Variants in ZNF709 observed in about 807,000 individuals in gnomAD.
ZNF709 encodes zinc finger protein 709.
ZNF709 carries 15 observed loss-of-function variants against 10.6 expected under a neutral mutation model. That is an observed-to-expected ratio of 1.41 (90% CI 0.95 to 2.18). The LOEUF (loss-of-function observed/expected upper bound fraction) is 2.18. Ranked by LOEUF, ZNF709 falls within the 30% of genes most tolerant of loss-of-function variation. The pLI is 0.00. For synonymous variants in ZNF709, 194 were observed against 238.8 expected (o/e 0.81, Z 1.73); for missense variants, 589 against 774.0 (o/e 0.76, Z 2.84).
At chr19:12,475,643 G>A (rs1046625405) in intron 1 of ZNF709, among the ~76,000 whole-genome samples, 4 of 152,076 alleles carry the variant, frequency 2.6e-5, no homozygotes, top group African/African-American at 9.7e-5. Context: ...GGTAAGATGA[G>A]GAAATGGGCA....
At chr19:12,484,073 T>A (rs1249031707) in intron 1 of ZNF709, among the ~76,000 whole-genome samples, 1 of 152,178 alleles carries the variant, frequency 6.6e-6, no homozygotes. Flanking sequence ...ACAAAAAGGA[T>A]AATTAAAATA....
In ZNF709 at chr19:12,464,016, T is replaced by C; in HGVS notation, c.1906A>G (p.Arg636Gly). ...TAGGGTTACTCTCCACTATGAACTC[T>C]TTCATGTATTCGAAAGGAACGGGAA... is the stretch of plus-strand genomic sequence containing the variant. ...KCSRSFRIHE[R>G]VHSGE Residue 636 changes from arginine to glycine, a missense_variant, in exon 4 of 4, where the codon AGA becomes GGA. This residue lies in a region of ZNF709 where 171 missense variants were observed against 277.7 expected (regional missense o/e 0.62). Coordinates refer to ENST00000397732, the MANE Select transcript of ZNF709 (RefSeq NM_152601.4). 1 of 1,499,136 alleles carries C rather than the reference T, an allele frequency of 6.7e-7. No homozygotes were observed. The highest frequency in any genetic ancestry group is 8.9e-7 in the Non-Finnish European group (1 of 1,126,844). The allele number at this position is 1,499,136 out of a possible 1,614,324, so 92.9% of individuals were successfully genotyped here. A position where few individuals can be genotyped will look rare whatever the true frequency, so the allele number is the denominator to read the frequency against.
At position 12,484,676 on chromosome 19, in the gene ZNF709, T is replaced by G; in HGVS notation, c.-19A>C. 1 of 1,614,018 alleles carries G rather than the reference T, an allele frequency of 6.2e-7. No homozygotes were observed. Among genetic ancestry groups the G allele is most frequent in the Non-Finnish European group, 8.5e-7 (1 of 1,179,936 alleles). On this transcript the variant is annotated 5_prime_UTR_variant, in exon 1 of 4. Transcript: ENST00000397732. ...TTACCATTTCCCAGACTCTGGGATG[T>G]CCTGGTGTTCTGTTTACCTCTCCCG...
Position 12,465,443 on chromosome 19 carries a change from C to A in ZNF709, c.479G>T (p.Arg160Ile). 15 of 1,611,812 alleles carry A rather than the reference C, an allele frequency of 9.3e-6. No homozygotes were observed. The highest frequency in any genetic ancestry group is 1.3e-5 in the Non-Finnish European group (15 of 1,179,252). ...SFRSSFRIHERTHTGEKPYKC... is the reference protein window; with the variant it reads ...SFRSSFRIHEITHTGEKPYKC... ...ATAGGGTTTCTCTCCAGTGTGAGTT[C>A]TTTCATGTATTCGAAATGAACTTCG... The change falls in exon 4 of 4, where the codon AGA becomes ATA. Residue 160 changes from arginine (R) to isoleucine (I), a missense_variant. By Grantham distance (97) the Arg-to-Ile change is moderately conservative. Around this residue, in one of 2 missense-constraint regions of ZNF709, gnomAD observed 418 missense variants for 496.3 expected, o/e 0.84. Transcript: ENST00000397732.
rs553049744 is a variant in ZNF709 at position 12,461,562 on chromosome 19, G to C, written c.*2434C>G. The C allele has an allele frequency of 1.3e-5, 2 of 152,296 alleles. No homozygotes were observed. Among genetic ancestry groups the C allele is most frequent in the African/African-American group, 4.8e-5 (2 of 41,550 alleles). The allele number at this position is 152,296 out of a possible 1,614,324, so 9.4% of individuals were successfully genotyped here. A position where few individuals can be genotyped will look rare whatever the true frequency, so the allele number is the denominator to read the frequency against. ...TCAGAAACACATAGTCACTGGTACT[G>C]TTAACAAAACATGGTGTTTATTACA... is the stretch of plus-strand genomic sequence containing the variant. On this transcript the variant is annotated 3_prime_UTR_variant, in exon 4 of 4. Transcript: ENST00000397732.
rs17776923 is a variant in ZNF709, at chr19:12,473,072, T to C, written c.4-6222A>G. ...AAGAAAGATCAACTGATACACTCCA[T>C]TGCTATTTCCTGTATATTTGAACTT... is the stretch of plus-strand genomic sequence containing the variant. On this transcript the variant is annotated intron_variant, in intron 1 of 3. Transcript: ENST00000397732. Among the ~76,000 whole-genome samples, 219 of 152,336 alleles carry C rather than the reference T, an allele frequency of 1.4e-3. 9 individuals are homozygous for C. In the East Asian group the frequency reaches 0.04, roughly 28 times the overall value.
intron 1 of ZNF709, among the ~76,000 whole-genome samples, chr19:12,476,340 C>A (rs1970678037): frequency 6.7e-6 from 1 of 149,494 alleles, no homozygotes; most frequent in South Asian, 2.1e-4. Flanking sequence ...TGCAGTGAGC[C>A]AAGATTGCAC....
chr19:12,467,158 T>C (rs897954212), intron 1 of ZNF709, among the ~76,000 whole-genome samples: 4 of 152,256 alleles, frequency 2.6e-5, no homozygotes, highest in African/African-American at 9.6e-5. Flanking sequence ...TCCCTCTCCC[T>C]CTCTTTCCAC....
intron 1 of ZNF709, among the ~76,000 whole-genome samples, chr19:12,468,230 T>C (rs1438156489): frequency 6.6e-6 from 1 of 152,140 alleles, no homozygotes; most frequent in East Asian, 1.9e-4. Flanking sequence ...ATAATGACAA[T>C]GGCGGTTTTG....
chr19:12,473,493 G>T (rs1282870472), intron 1 of ZNF709, among the ~76,000 whole-genome samples: 1 of 152,162 alleles, frequency 6.6e-6, no homozygotes, highest in Non-Finnish European at 1.5e-5. Flanking sequence ...AACATCAATA[G>T]ACTAATTAAT....
chr19:12,480,814 C>T (rs566771909), intron 1 of ZNF709, among the ~76,000 whole-genome samples: 66 of 151,964 alleles, frequency 4.3e-4, no homozygotes, highest in Admixed American at 1.1e-3. Flanking sequence ...TTTAATCTGT[C>T]GCCCAGGCTG....
intron 1 of ZNF709, among the ~76,000 whole-genome samples, chr19:12,480,538 C>G (rs879399636): frequency 6.6e-6 from 1 of 152,068 alleles, no homozygotes; most frequent in Admixed American, 6.6e-5. Flanking sequence ...AAAAAATTAT[C>G]CGGGCGTGGT....
chr19:12,469,863 GC>G (rs1261144786), intron 1 of ZNF709, among the ~76,000 whole-genome samples: 5 of 152,092 alleles, frequency 3.3e-5, no homozygotes, highest in African/African-American at 1.2e-4. Flanking sequence ...ATGATAAGAT[GC>G]CAGAACAGCT....
chr19:12,469,450 A>T (rs1970615009), intron 1 of ZNF709, among the ~76,000 whole-genome samples: 1 of 152,100 alleles, frequency 6.6e-6, no homozygotes, highest in South Asian at 2.1e-4. Flanking sequence ...GCAGGAGGAA[A>T]AAGGCATGGC....
Position 12,463,926 on chromosome 19 carries a change from C to CAAAAAAAAAAAAAAAAAAAAA in ZNF709, c.*49_*69dup, listed in dbSNP as rs60000717. On this transcript the variant is annotated 3_prime_UTR_variant, in exon 4 of 4. Transcript: ENST00000397732. ...AGGGCAACAGAGTGAGAATTCAACT[C>CAAAAAAAAAAAAAAAAAAAAA]AAAAAAAAAAAAAAAAAAAAAGGAA... 1 of 795,616 alleles carries CAAAAAAAAAAAAAAAAAAAAA rather than the reference C, an allele frequency of 1.3e-6. No individual in the cohort carries two copies. Among genetic ancestry groups the CAAAAAAAAAAAAAAAAAAAAA allele is most frequent in the Non-Finnish European group, 1.6e-6 (1 of 608,316 alleles). The allele number at this position is 795,616 out of a possible 1,614,324, so 49.3% of individuals were successfully genotyped here. A position where few individuals can be genotyped will look rare whatever the true frequency, so the allele number is the denominator to read the frequency against.
chr19:12,474,512 G>A (rs1970661155), intron 1 of ZNF709, among the ~76,000 whole-genome samples: 1 of 152,210 alleles, frequency 6.6e-6, no homozygotes, highest in African/African-American at 2.4e-5. Context: ...TCTTCAAGAT[G>A]TTGATTTCAA....
At chr19:12,479,969 T>A (rs2145007555) in intron 1 of ZNF709, among the ~76,000 whole-genome samples, 1 of 152,082 alleles carries the variant, frequency 6.6e-6, no homozygotes, top group East Asian at 1.9e-4. Flanking sequence ...TCAAGACCAA[T>A]CTGGTCAAGA....
chr19:12,469,657 T>C (rs985191016), intron 1 of ZNF709, among the ~76,000 whole-genome samples: 1 of 151,680 alleles, frequency 6.6e-6, no homozygotes, highest in Admixed American at 6.6e-5. Flanking sequence ...TAGACCCAGC[T>C]ACTCAGGAGG....
chr19:12,468,352 A>C (rs1199809154), intron 1 of ZNF709, among the ~76,000 whole-genome samples: 3 of 152,116 alleles, frequency 2.0e-5, no homozygotes, highest in Non-Finnish European at 4.4e-5. Flanking sequence ...AGTACTAAGA[A>C]AAATTCTTCT....
Sources: gnomAD v4.1 joint callset for allele counts (sites outside exome capture counted in the v4.1 genomes callset) on GRCh38, gnomAD v4.1.1 for gene constraint, gnomAD v4.1.1 regional missense constraint, MANE v1.5 for transcripts, NCBI Gene and HGNC (gene_info 2026-07-23, HGNC 2026-07-21) for gene names.